Variants in NOX5 observed in about 807,000 individuals in gnomAD.
NOX5 encodes the protein NADPH oxidase 5, also known as NADPH oxidase, EF-hand calcium binding domain 5.
In NOX5, 76 loss-of-function variants were observed where a neutral mutation model predicts 85.7. That is an observed-to-expected ratio of 0.89 (90% CI 0.74 to 1.07). NOX5 has a LOEUF of 1.07. Among genes scored for constraint, NOX5 ranks in the 50% least tolerant of loss-of-function variants. The probability of loss-of-function intolerance (pLI) is 0.00; values close to 1 mark genes in which losing one functional copy is unlikely to be tolerated. For missense variants in NOX5, 973 were observed against 999.5 expected (o/e 0.97, Z 0.36); for synonymous variants, 405 against 401.4 (o/e 1.01, Z -0.11).
At chr15:69,019,804 A>G (rs1423694047) in intron 1 of NOX5, among the ~76,000 whole-genome samples, 1 of 152,218 alleles carries the variant, frequency 6.6e-6, no homozygotes, top group Non-Finnish European at 1.5e-5. Context: ...TTTGTAGGAT[A>G]CATTCCTAAA....
intron 9 of NOX5, among the ~76,000 whole-genome samples, chr15:69,041,064 C>G (rs977326152): frequency 1.3e-5 from 2 of 152,158 alleles, no homozygotes; most frequent in African/African-American, 4.8e-5. Flanking sequence ...GTCTCCTGCC[C>G]TGAGCTGAGA....
rs1452365504 is a variant in NOX5 at position 69,038,567 on chromosome 15, T to C, written c.1372-290T>C. On this transcript the variant is annotated intron_variant, in intron 8 of 15. Transcript: ENST00000388866. ...GCCAGGGAGGCATCACAGGGATACG[T>C]CACAGAGGGTCCACTAAAAAGCAGT... 2.0e-5 allele frequency among the ~76,000 whole-genome samples: 3 copies of C among 152,108 alleles called. 1 individual carries two copies. The highest frequency in any genetic ancestry group is 2.0e-4 in the Admixed American group (3 of 15,276).
intron 3 of NOX5, chr15:69,030,248 G>C (rs1384489167): frequency 6.6e-6 from 1 of 152,178 alleles, no homozygotes; most frequent in Non-Finnish European, 1.5e-5. Flanking sequence ...TACTCATGGG[G>C]TTGAGATGAA....
At position 69,014,729 on chromosome 15, in the gene NOX5, G is replaced by A. The variant is rs2140240248; in HGVS notation, c.-7G>A. The A allele has an allele frequency of 6.4e-7, 1 of 1,550,626 alleles. No individual in the cohort carries two copies. Among genetic ancestry groups the A allele is most frequent in the Admixed American group, 2.0e-5 (1 of 51,006 alleles). ...TCTGGGACCTGTGATCTAGAAGACA[G>A]GAGAAGATGAACACATCTGGAGACC... On this transcript the variant is annotated 5_prime_UTR_variant, in exon 1 of 16. Transcript: ENST00000388866.
chr15:69,023,367 A>G, intron 1 of NOX5: 1 of 295,876 alleles, frequency 3.4e-6, no homozygotes, highest in South Asian at 3.8e-5. Context: ...CATTTATTCA[A>G]AAACCTGCTG....
intron 1 of NOX5, among the ~76,000 whole-genome samples, chr15:69,014,992 TAAAG>T (rs1409481886): frequency 6.6e-6 from 1 of 152,182 alleles, no homozygotes; most frequent in East Asian, 1.9e-4. Flanking sequence ...ATCTGTAAAA[TAAAG>T]AACTGGCCAA....
rs112225328 is a variant in NOX5, at chr15:69,033,044, G to A, written c.622G>A (p.Ala208Thr). ...PGVMENLTIS[A>T]AHWLTAPAPR... ...GAGCGGAACCCGCCTCTCTCGCAGC[G>A]CTGCCCACTGGCTGACGGCCCCCGC... The change falls in exon 5 of 16, where the codon GCT (alanine) becomes ACT (threonine). Residue 208 changes from alanine to threonine, a missense_variant and splice_region_variant. Transcript: ENST00000388866. 1.3e-6 allele frequency: 2 copies of A among 1,554,366 alleles called. No homozygotes were observed. Among genetic ancestry groups the A allele is most frequent in the Non-Finnish European group, 1.7e-6 (2 of 1,164,964 alleles).
intron 3 of NOX5, chr15:69,031,211 CTG>C (rs1292563452): frequency 2.2e-6 from 1 of 444,554 alleles, no homozygotes; most frequent in African/African-American, 1.9e-5. Context: ...CTTTGGATAA[CTG>C]AGGCTGTGGG....
At chr15:69,028,017 C>T (rs576823151) in intron 2 of NOX5, among the ~76,000 whole-genome samples, 198 bp from the exon 3 acceptor site, 2 of 152,188 alleles carry the variant, frequency 1.3e-5, no homozygotes, top group Admixed American at 1.3e-4. Flanking sequence ...CCAAGCCCAT[C>T]CTTACTGCAG....
intron 1 of NOX5, among the ~76,000 whole-genome samples, chr15:69,021,453 G>A (rs908034110): frequency 6.6e-6 from 1 of 151,912 alleles, no homozygotes; most frequent in African/African-American, 2.4e-5. Context: ...CAGTAGCTGG[G>A]ACTACAGGCA....
At chr15:69,016,711 C>G (rs1595764688) in intron 1 of NOX5, among the ~76,000 whole-genome samples, 1 of 152,140 alleles carries the variant, frequency 6.6e-6, no homozygotes, top group East Asian at 1.9e-4. Context: ...GGTGAGCTAT[C>G]ACTAACGCTT....
intron 1 of NOX5, among the ~76,000 whole-genome samples, chr15:69,020,088 T>C (rs908256039): frequency 6.6e-6 from 1 of 152,230 alleles, no homozygotes; most frequent in Non-Finnish European, 1.5e-5. Context: ...TTTGCTTCTG[T>C]CAAACCTATA....
rs1567089572 is a variant in NOX5, at chr15:69,014,727, C to CCT, written c.-9_-8insCT. ...TTTCTGGGACCTGTGATCTAGAAGA[C>CCT]AGGAGAAGATGAACACATCTGGAGA... On this transcript the variant is annotated 5_prime_UTR_variant, in exon 1 of 16. Coordinates refer to ENST00000388866, the MANE Select transcript of NOX5 (RefSeq NM_024505.4). 2 of 1,550,590 alleles carry CCT rather than the reference C, an allele frequency of 1.3e-6. No individual in the cohort carries two copies. The highest frequency in any genetic ancestry group is 3.9e-5 in the Admixed American group (2 of 51,006).
chr15:69,031,931 C>G, intron 4 of NOX5, 119 bp downstream of exon 4: 1 of 1,010,774 alleles, frequency 9.9e-7, no homozygotes, highest in Non-Finnish European at 1.4e-6. Context: ...CCGCCCCTCC[C>G]CAGTTTAGCC....
In NOX5 at chr15:69,026,628, A is replaced by G; in HGVS notation, c.151A>G (p.Lys51Glu). ...TGGGGAGATCAGCCTGCAAGAATTC[A>G]AAGCAGCTCTGCATGTGAAAGAGGC... The part of the protein sequence containing the change: ...EDGEISLQEF[K>E]AALHVKESFF... The change falls in exon 2 of 16, where the codon AAA becomes GAA. Residue 51 changes from lysine to glutamate, a missense_variant. Transcript: ENST00000388866. 3 of 1,614,182 alleles carry G rather than the reference A, an allele frequency of 1.9e-6. No individual in the cohort carries two copies. The highest frequency in any genetic ancestry group is 2.5e-6 in the Non-Finnish European group (3 of 1,180,028).
intron 2 of NOX5, 96 bp from the exon 3 acceptor site, chr15:69,028,119 C>T (rs560653250): frequency 8.1e-6 from 11 of 1,358,266 alleles, no homozygotes; most frequent in South Asian, 2.9e-5. Context: ...GGTGCACCCC[C>T]CCACCACCAC....
chr15:69,026,408 AT>A (rs756627999), intron 1 of NOX5, 119 bp from the exon 2 acceptor site: 435 of 1,264,816 alleles, frequency 3.4e-4, no homozygotes, highest in Non-Finnish European at 2.1e-4. Flanking sequence ...GATTGACCCG[AT>A]TCAACTCAGG....
At chr15:69,047,999 G>A (rs2050697199) in intron 13 of NOX5, 88 bp downstream of exon 13, 1 of 1,132,494 alleles carries the variant, frequency 8.8e-7, no homozygotes, top group Non-Finnish European at 1.3e-6. Flanking sequence ...TGCAAAGGTG[G>A]GAGCGGATAG....
rs1055547758 is a variant in NOX5, at chr15:69,047,484, G to A, written c.1764G>A (p.Gly588=). The A allele has an allele frequency of 6.2e-7, 1 of 1,613,864 alleles. No individual in the cohort carries two copies. The highest frequency in any genetic ancestry group is 1.3e-5 in the African/African-American group (1 of 74,874). ...CCTCTGAGCATGCCGTGCTCATCGG[G>A]GCAGGCATCGGCATCACCCCCTTTG... is the stretch of plus-strand genomic sequence containing the variant. ...IFASEHAVLI[G]AGIGITPFAS... The change falls in exon 12 of 16, where the codon GGG becomes GGA. Residue 588 remains glycine (G), a synonymous_variant. Transcript: ENST00000388866.
Sources: gnomAD v4.1 joint callset for allele counts (sites outside exome capture counted in the v4.1 genomes callset) on GRCh38, gnomAD v4.1.1 for gene constraint, MANE v1.5 for transcripts, NCBI Gene and HGNC (gene_info 2026-07-23, HGNC 2026-07-21) for gene names.